CAMK2A: variants seen among roughly 807,000 people sequenced by gnomAD.
CAMK2A encodes the protein calcium/calmodulin-dependent protein kinase type II subunit alpha.
In CAMK2A, 7 loss-of-function variants were observed where a neutral mutation model predicts 79.2. That is an observed-to-expected ratio of 0.09 (90% CI 0.05 to 0.17). The LOEUF is 0.17. CAMK2A is among the 10% of genes least tolerant of loss of function. The probability of loss-of-function intolerance (pLI) is 1.00; values close to 1 mark genes in which losing one functional copy is unlikely to be tolerated. For missense variants in CAMK2A, 214 were observed against 646.4 expected, an observed-to-expected ratio of 0.33 and a Z score of 7.25; for synonymous variants, 242 against 251.7, an observed-to-expected ratio of 0.96 and a Z score of 0.36.
Position 150,222,487 on chromosome 5 carries a change from G to GA in CAMK2A, c.*222dup. The stretch of plus-strand genomic sequence containing the variant: ...CTGAGGAAGCCCCAGCCTGGCAGGG[G>GA]AGAGGGTGGGGGTGAGAGGTGGGGA... On this transcript the variant is annotated 3_prime_UTR_variant, in exon 19 of 19. Coordinates refer to ENST00000671881, the MANE Select transcript of CAMK2A (RefSeq NM_015981.4). The GA allele has an allele frequency of 1.4e-6, 1 of 704,948 alleles. No homozygotes were observed. The highest frequency in any genetic ancestry group is 1.5e-5 in the South Asian group (1 of 67,604). The allele number at this position is 704,948 out of a possible 1,614,324, so 43.7% of individuals were successfully genotyped here. A position where few individuals can be genotyped will look rare whatever the true frequency, so the allele number is the denominator to read the frequency against.
At chr5:150,257,281 T>G (rs1756098613) in intron 4 of CAMK2A, among the ~76,000 whole-genome samples, 1 of 152,156 alleles carries the variant, frequency 6.6e-6, no homozygotes, top group Non-Finnish European at 1.5e-5. Context: ...CAAAAAAAAA[T>G]TAAACATATT....
rs947184589 is a variant in CAMK2A at position 150,250,298 on chromosome 5, G to A, written c.828C>T (p.Thr276=). ...LKHPWISHRS[T]VASCMHRQET... is the part of the protein sequence containing the mutation. ...CCTGTCTGTGCATGCAGGATGCCAC[G>A]GTGGAGCGGTGCTGGAGGAAGTAGG... The change falls in exon 11 of 19, where the codon ACC becomes ACT. Residue 276 remains threonine, a synonymous_variant. Transcript: ENST00000671881. 71 of 1,613,748 alleles carry A rather than the reference G, an allele frequency of 4.4e-5. No individual in the cohort carries two copies. In the East Asian group the frequency reaches 7.8e-4, roughly 18 times the overall value.
intron 17 of CAMK2A, among the ~76,000 whole-genome samples, chr5:150,227,118 C>A (rs1470473939): frequency 2.0e-5 from 3 of 152,052 alleles, no homozygotes; most frequent in Non-Finnish European, 2.9e-5. Flanking sequence ...CATTGATGAA[C>A]AATCAGTATC....
At chr5:150,264,207 A>G (rs1052814318) in intron 3 of CAMK2A, among the ~76,000 whole-genome samples, 1 of 152,216 alleles carries the variant, frequency 6.6e-6, no homozygotes, top group Non-Finnish European at 1.5e-5. Flanking sequence ...CCTTTTCACA[A>G]GGTGCCCAAG....
upstream of CAMK2A, chr5:150,289,880 C>T (rs1355709063): frequency 2.1e-5 from 11 of 526,126 alleles, no homozygotes; most frequent in Non-Finnish European, 3.7e-5. Context: ...CGGTAACTGC[C>T]TCCCCAACAC....
intron 17 of CAMK2A, among the ~76,000 whole-genome samples, chr5:150,225,603 G>T (rs774914762): frequency 6.6e-6 from 1 of 152,188 alleles, no homozygotes; most frequent in Non-Finnish European, 1.5e-5. Context: ...TGTGGGGATT[G>T]TAAGTTCACA....
chr5:150,241,000 T>TC (rs1459869059), intron 13 of CAMK2A, among the ~76,000 whole-genome samples: 1 of 152,126 alleles, frequency 6.6e-6, no homozygotes, highest in African/African-American at 2.4e-5. Context: ...TCCAGTGAGC[T>TC]CCCCAAAATC....
chr5:150,254,876 T>A (rs882664), intron 6 of CAMK2A, among the ~76,000 whole-genome samples: 4,405 of 152,302 alleles, frequency 0.029, 223 homozygotes, highest in African/African-American at 0.1. Context: ...ATGTTAGTAC[T>A]TCTATTTTTG....
At chr5:150,247,910 AGGTGCT>A in intron 11 of CAMK2A, 96 bp from the exon 12 acceptor site, 1 of 994,114 alleles carries the variant, frequency 1.0e-6, no homozygotes, top group Non-Finnish European at 1.6e-6. Flanking sequence ...AAGGAGAGGC[AGGTGCT>A]GCATTCAGAG....
rs137865206 is a variant in CAMK2A at position 150,259,129 on chromosome 5, G to A, written c.218-1512C>T. Among the ~76,000 whole-genome samples the A allele has an allele frequency of 3.6e-3, 552 of 151,708 alleles. 1 individual carries two copies. The highest frequency in any genetic ancestry group is 0.012 in the African/African-American group (511 of 41,286). Reference sequence around the variant, plus strand: ...CAGGAGGTGGAGTTTGCAGTGAGCCGAGATCGTGCCACTGCACTACAGCCT... The same window carrying A: ...CAGGAGGTGGAGTTTGCAGTGAGCCAAGATCGTGCCACTGCACTACAGCCT... On this transcript the variant is annotated intron_variant, in intron 3 of 18. Coordinates refer to ENST00000671881, the MANE Select transcript of CAMK2A (RefSeq NM_015981.4).
intron 14 of CAMK2A, among the ~76,000 whole-genome samples, chr5:150,239,502 G>T (rs1004935993): frequency 7.2e-5 from 11 of 152,076 alleles, no homozygotes; most frequent in African/African-American, 2.7e-4. Context: ...GCTGGTCTGG[G>T]CCGTGGAGTT....
chr5:150,269,078 T>C (rs1211678826), intron 2 of CAMK2A, among the ~76,000 whole-genome samples: 8 of 151,944 alleles, frequency 5.3e-5, no homozygotes, highest in African/African-American at 1.9e-4. Flanking sequence ...ACTCTAATAA[T>C]TAATTAATTG....
At chr5:150,241,032 T>C (rs1175001801) in intron 13 of CAMK2A, among the ~76,000 whole-genome samples, 1 of 152,204 alleles carries the variant, frequency 6.6e-6, no homozygotes, top group Non-Finnish European at 1.5e-5. Context: ...CCCCAGGTTA[T>C]TCTCATCTTC....
chr5:150,225,041 G>GGAGAGAGAGAGAGAGAGAGAGAGA (rs58360121), intron 17 of CAMK2A, among the ~76,000 whole-genome samples: 22 of 108,912 alleles, frequency 2.0e-4, no homozygotes, highest in East Asian at 4.7e-4. Flanking sequence ...TGGTAGGTAG[G>GGAGAGAGAGAGAGAGAGAGAGAGA]GAGAGAGAGA....
At chr5:150,247,614 C>T (rs1365358796) in intron 12 of CAMK2A, among the ~76,000 whole-genome samples, 158 bp downstream of exon 12, 2 of 152,146 alleles carry the variant, frequency 1.3e-5, no homozygotes, top group African/African-American at 4.8e-5. Flanking sequence ...CTTCTGGGTA[C>T]AGGCCGTGGC....
chr5:150,270,614 T>C lies in CAMK2A; in HGVS notation c.157+2451A>G, dbSNP rs1238386317. Among the ~76,000 whole-genome samples, 5 of 141,994 alleles carry C rather than the reference T, an allele frequency of 3.5e-5. No individual in the cohort carries two copies. In the East Asian group the frequency reaches 1.2e-3, roughly 34 times the overall value. The allele number at this position is 141,994 out of a possible 152,430, so 93.2% of individuals were successfully genotyped here. On this transcript the variant is annotated intron_variant, in intron 2 of 18. Coordinates refer to ENST00000671881, the MANE Select transcript of CAMK2A (RefSeq NM_015981.4). Reference sequence around the variant, plus strand: ...CCCCCTCCCCGCCCCCGAGGCACCATGAGCGGCAAACAAAGAATCCTGCTA... The same window carrying C: ...CCCCCTCCCCGCCCCCGAGGCACCACGAGCGGCAAACAAAGAATCCTGCTA...
chr5:150,284,289 A>AGT lies in CAMK2A; in HGVS notation c.62+5273_62+5274dup, dbSNP rs57326866. Among the ~76,000 whole-genome samples the AGT allele has an allele frequency of 0.32, 48,115 of 151,632 alleles. 8,367 individuals are homozygous for AGT. The highest frequency in any genetic ancestry group is 0.47 in the East Asian group (2,439 of 5,144). On this transcript the variant is annotated intron_variant, in intron 1 of 18. Coordinates refer to ENST00000671881, the MANE Select transcript of CAMK2A (RefSeq NM_015981.4). The surrounding 1 kb of genome is among the most constrained non-coding windows in gnomAD (Gnocchi z 5.3). Reference sequence around the variant, plus strand: ...TCGTGCTCTATGCCCTGTCACAGCCAGTGTGTGTGTGTGTGTCCATGTGCA... The same window carrying AGT: ...TCGTGCTCTATGCCCTGTCACAGCCAGTGTGTGTGTGTGTGTGTCCATGTGCA...
intron 13 of CAMK2A, among the ~76,000 whole-genome samples, 154 bp downstream of exon 13, chr5:150,245,007 C>A (rs1462435544): frequency 1.3e-5 from 2 of 152,040 alleles, no homozygotes; most frequent in Admixed American, 1.3e-4. Flanking sequence ...AAGCCTAGGT[C>A]GTGGGTCTGG....
chr5:150,242,874 C>T (rs1755413364), intron 13 of CAMK2A, among the ~76,000 whole-genome samples: 3 of 152,240 alleles, frequency 2.0e-5, no homozygotes, highest in Admixed American at 1.3e-4. Context: ...TCCAATAGGA[C>T]TTCTTCTGTC....
Sources: gnomAD v4.1 joint callset for allele counts (sites outside exome capture counted in the v4.1 genomes callset) on GRCh38, gnomAD v4.1.1 for gene constraint, Gnocchi (gnomAD v3.1) non-coding constraint, MANE v1.5 for transcripts, NCBI Gene and HGNC (gene_info 2026-07-23, HGNC 2026-07-21) for gene names.